Variants in TC2N observed in about 807,000 individuals in gnomAD.
The protein encoded by TC2N is tandem C2 domains, nuclear.
Under a neutral mutation model 61.9 loss-of-function variants are expected in TC2N, and 51 were observed. The observed-to-expected ratio is 0.82, with a 90% confidence interval of 0.66 to 1.04. TC2N has a LOEUF of 1.04. Among genes scored for constraint, TC2N ranks in the 50% least tolerant of loss-of-function variants. The pLI, the probability that TC2N is intolerant of heterozygous loss-of-function variation, is 0.00. For synonymous variants in TC2N, 204 were observed against 192.6 expected (o/e 1.06, Z -0.49); for missense variants, 556 against 566.7 (o/e 0.98, Z 0.19).
chr14:91,864,713 C>A (rs1451546999), intron 1 of TC2N, among the ~76,000 whole-genome samples: 2 of 151,744 alleles, frequency 1.3e-5, no homozygotes, highest in Non-Finnish European at 2.9e-5. Context: ...TTTCTCAAAT[C>A]CTAATAAACA....
rs999185988 is a variant in TC2N, at chr14:91,801,597, C to T, written c.469+657G>A. ...AGCTGAGGTGTGAGAATCACTTGAG[C>T]CTGGGAGGTTGATGCTGCAGTGAGC... On this transcript the variant is annotated intron_variant, in intron 4 of 11. Transcript: ENST00000435962. Among the ~76,000 whole-genome samples the T allele has an allele frequency of 4.0e-4, 61 of 152,136 alleles. 1 individual carries two copies. The highest frequency in any genetic ancestry group is 3.9e-4 in the Admixed American group (6 of 15,270).
rs779174077 is a variant in TC2N at position 91,802,295 on chromosome 14, C to G, written c.428G>C (p.Arg143Pro). The change falls in exon 4 of 12, where the codon CGC becomes CCC. Residue 143 changes from arginine (R) to proline (P), a missense_variant. Arg to Pro is a moderately radical substitution (Grantham distance 103). Transcript: ENST00000435962. Reference protein sequence around the residue: ...YQHISPDLSRRFPPRSEVKRL... With the variant: ...YQHISPDLSRPFPPRSEVKRL... Reference sequence around the variant, plus strand: ...CTTCACTTCTGAACGGGGAGGAAAGCGTCGACTCAAATCAGGTGAAATGTG... The same window carrying G: ...CTTCACTTCTGAACGGGGAGGAAAGGGTCGACTCAAATCAGGTGAAATGTG... The G allele has an allele frequency of 1.0e-5, 16 of 1,602,008 alleles. No homozygotes were observed. Among genetic ancestry groups the G allele is most frequent in the Non-Finnish European group, 1.4e-5 (16 of 1,175,730 alleles).
chr14:91,854,951 C>T (rs1029082102), intron 1 of TC2N, among the ~76,000 whole-genome samples: 6 of 152,150 alleles, frequency 3.9e-5, no homozygotes, highest in Admixed American at 1.3e-4. Flanking sequence ...TTCCTTGCAA[C>T]GTATTTTTGT....
intron 1 of TC2N, among the ~76,000 whole-genome samples, chr14:91,815,235 A>G (rs1225428478): frequency 2.0e-5 from 3 of 151,616 alleles, no homozygotes; most frequent in Non-Finnish European, 4.4e-5. Flanking sequence ...AAAAGTTAAA[A>G]GAAAACATGG....
intron 1 of TC2N, among the ~76,000 whole-genome samples, chr14:91,855,427 T>C (rs535490924): frequency 6.6e-6 from 1 of 152,320 alleles, no homozygotes; most frequent in South Asian, 2.1e-4. Flanking sequence ...CTGTTGGTCA[T>C]GTAAATCCTT....
At chr14:91,814,948 C>T (rs1886944214) in intron 1 of TC2N, among the ~76,000 whole-genome samples, 1 of 150,230 alleles carries the variant, frequency 6.7e-6, no homozygotes, top group Non-Finnish European at 1.5e-5. Context: ...ACATTGTATA[C>T]AATAAATACA....
chr14:91,828,659 G>A (rs1887609856), intron 1 of TC2N, among the ~76,000 whole-genome samples: 1 of 151,850 alleles, frequency 6.6e-6, no homozygotes, highest in Non-Finnish European at 1.5e-5. Context: ...AAAGTATTCT[G>A]ATGCTGAAAC....
intron 1 of TC2N, among the ~76,000 whole-genome samples, chr14:91,838,293 A>G (rs1028089849): frequency 1.3e-5 from 2 of 151,816 alleles, no homozygotes; most frequent in Admixed American, 1.3e-4. Context: ...ACAGGCACAT[A>G]CCACCACGCC....
At chr14:91,864,414 G>A (rs1032467911) in intron 1 of TC2N, among the ~76,000 whole-genome samples, 1 of 152,116 alleles carries the variant, frequency 6.6e-6, no homozygotes, top group African/African-American at 2.4e-5. Flanking sequence ...AGGGGATGTA[G>A]AACGTTCACA....
At chr14:91,783,543 A>C (rs1885223527) in intron 11 of TC2N, among the ~76,000 whole-genome samples, 1 of 152,040 alleles carries the variant, frequency 6.6e-6, no homozygotes, top group Non-Finnish European at 1.5e-5. Context: ...ACTGATCCCA[A>C]CCACTCAAAA....
rs778522109 is a variant in TC2N, at chr14:91,797,861, G to A, written c.779C>T (p.Pro260Leu). The A allele has an allele frequency of 3.1e-6, 5 of 1,609,374 alleles. No individual in the cohort carries two copies. In the South Asian group the frequency reaches 4.4e-5, roughly 14 times the overall value. The change falls in exon 8 of 12, where the codon CCT becomes CTT. Residue 260 changes from proline (P) to leucine (L), a missense_variant. Transcript: ENST00000435962. ...LSWPSSYGDTPTVSIKGILTL... is the reference protein window; with the variant it reads ...LSWPSSYGDTLTVSIKGILTL... ...AAGTATTCCTTTTATAGAAACAGTA[G>A]GAGTGTCTCCATAACTAGAGGGCCA...
chr14:91,787,633 T>C lies in TC2N; in HGVS notation c.1048-6A>G, dbSNP rs1288191143. On this transcript the variant is annotated splice_region_variant and splice_polypyrimidine_tract_variant and intron_variant, in intron 9 of 11. Coordinates refer to ENST00000435962, the MANE Select transcript of TC2N (RefSeq NM_001128596.3). ...TCAAGTTCTGCATGGCAAACCTGCA[T>C]ATCAAAAAAGTGTCATTTGGTAGTT... 7 of 1,549,112 alleles carry C rather than the reference T, an allele frequency of 4.5e-6. No individual in the cohort carries two copies. The highest frequency in any genetic ancestry group is 5.3e-6 in the Non-Finnish European group (6 of 1,132,324).
intron 1 of TC2N, among the ~76,000 whole-genome samples, chr14:91,814,822 T>C (rs956264771): frequency 1.3e-5 from 2 of 151,598 alleles, no homozygotes; most frequent in African/African-American, 2.4e-5. Flanking sequence ...TGCAGTACTC[T>C]TGAGAGATGC....
intron 1 of TC2N, among the ~76,000 whole-genome samples, chr14:91,831,108 G>A (rs537573650): frequency 1.3e-5 from 2 of 152,114 alleles, no homozygotes; most frequent in South Asian, 2.1e-4. Context: ...TCTCTCATAC[G>A]TTTAGCTTTC....
chr14:91,784,823 T>C (rs1303883080), intron 11 of TC2N, among the ~76,000 whole-genome samples: 1 of 152,140 alleles, frequency 6.6e-6, no homozygotes, highest in Admixed American at 6.5e-5. Context: ...ATAAATTTGA[T>C]ACTCGAAGAC....
intron 3 of TC2N, among the ~76,000 whole-genome samples, chr14:91,804,592 A>C (rs543087111): frequency 1.1e-4 from 17 of 152,320 alleles, no homozygotes; most frequent in African/African-American, 4.1e-4. Flanking sequence ...AAACAAACTA[A>C]AACTACTGAC....
intron 1 of TC2N, among the ~76,000 whole-genome samples, chr14:91,846,536 A>C (rs1888274467): frequency 6.6e-6 from 1 of 152,162 alleles, no homozygotes; most frequent in Non-Finnish European, 1.5e-5. Context: ...GTTGTTTCCA[A>C]CTCTCTTACC....
chr14:91,808,056 C>A (rs561829561), intron 3 of TC2N, among the ~76,000 whole-genome samples: 1 of 152,154 alleles, frequency 6.6e-6, no homozygotes, highest in Non-Finnish European at 1.5e-5. Flanking sequence ...GTAAGACATG[C>A]CTTTCACCTT....
intron 9 of TC2N, 152 bp downstream of exon 9, chr14:91,792,215 A>C: frequency 3.4e-6 from 1 of 292,916 alleles, no homozygotes; most frequent in Non-Finnish European, 5.3e-6. Context: ...TTTTATCAAT[A>C]ATTTCTAAAT....
Sources: gnomAD v4.1 joint callset for allele counts (sites outside exome capture counted in the v4.1 genomes callset) on GRCh38, gnomAD v4.1.1 for gene constraint, MANE v1.5 for transcripts, NCBI Gene and HGNC (gene_info 2026-07-23, HGNC 2026-07-21) for gene names.